Variants in ADAMTSL3 observed in about 807,000 individuals in gnomAD.
ADAMTSL3 encodes the protein ADAMTS like 3, also known as ADAMTS-like protein 3.
Under a neutral mutation model 201.7 loss-of-function variants are expected in ADAMTSL3, and 128 were observed. The observed-to-expected ratio is 0.63, with a 90% CI of 0.55 to 0.73. ADAMTSL3 has a LOEUF of 0.73. ADAMTSL3 is among the 30% of genes least tolerant of loss of function. The pLI, the probability that ADAMTSL3 is intolerant of heterozygous loss-of-function variation, is 0.00. For synonymous variants in ADAMTSL3, 738 were observed against 748.4 expected (o/e 0.99, Z 0.23); for missense variants, 1,990 against 2,119.6 (o/e 0.94, Z 1.20).
At chr15:83,820,867 G>A in intron 6 of ADAMTSL3, among the ~76,000 whole-genome samples, 1 of 152,094 alleles carries the variant, frequency 6.6e-6, no homozygotes, top group Non-Finnish European at 1.5e-5. Context: ...TTGAGGTCAG[G>A]AGATCAAGAC....
intron 3 of ADAMTSL3, among the ~76,000 whole-genome samples, chr15:83,718,408 T>C (rs2062048805): frequency 1.3e-5 from 2 of 151,966 alleles, no homozygotes; most frequent in South Asian, 4.1e-4. Flanking sequence ...TAAGCAGAAA[T>C]TGGGACAATT....
chr15:83,678,908 G>C (rs1188102679), intron 2 of ADAMTSL3, among the ~76,000 whole-genome samples: 1 of 146,232 alleles, frequency 6.8e-6, no homozygotes, highest in African/African-American at 2.5e-5. Flanking sequence ...AATTTAAAAG[G>C]AAATATATAT....
intron 4 of ADAMTSL3, among the ~76,000 whole-genome samples, chr15:83,778,995 A>G (rs557361820): frequency 1.0e-3 from 155 of 152,330 alleles, no homozygotes; most frequent in African/African-American, 3.6e-3. Flanking sequence ...CAGACTTTAA[A>G]CCAGAAAAAT....
chr15:84,006,417 C>A (rs1274155399), intron 23 of ADAMTSL3, among the ~76,000 whole-genome samples: 1 of 152,172 alleles, frequency 6.6e-6, no homozygotes. Context: ...CATTTCAGGG[C>A]AGTCTGAACA....
chr15:83,957,273 G>A (rs2066880241), intron 19 of ADAMTSL3, among the ~76,000 whole-genome samples: 1 of 152,196 alleles, frequency 6.6e-6, no homozygotes, highest in Non-Finnish European at 1.5e-5. Flanking sequence ...AGTGCTGGTA[G>A]GTGAGATGGA....
intron 8 of ADAMTSL3, among the ~76,000 whole-genome samples, chr15:83,863,984 C>G (rs1240465837): frequency 3.9e-5 from 6 of 152,274 alleles, no homozygotes; most frequent in Admixed American, 2.0e-4. Flanking sequence ...ACTATAAACA[C>G]CTCTAAGCAA....
chr15:83,858,622 C>T, intron 7 of ADAMTSL3, 144 bp from the exon 8 acceptor site: 4 of 590,658 alleles, frequency 6.8e-6, no homozygotes, highest in Non-Finnish European at 1.2e-5. Flanking sequence ...ATCTGCCTGC[C>T]TTGGCCTCCT....
chr15:84,012,172 GC>G (rs1242827102), intron 23 of ADAMTSL3, among the ~76,000 whole-genome samples: 1 of 152,066 alleles, frequency 6.6e-6, no homozygotes, highest in Non-Finnish European at 1.5e-5. Flanking sequence ...AAACTTAGAA[GC>G]TTAAAACAAT....
intron 20 of ADAMTSL3, among the ~76,000 whole-genome samples, chr15:83,972,945 T>TGC (rs1285685167): frequency 6.6e-6 from 1 of 152,182 alleles, no homozygotes; most frequent in Non-Finnish European, 1.5e-5. Context: ...ACCGTTTCCC[T>TGC]GCTGTCTTCA....
intron 2 of ADAMTSL3, among the ~76,000 whole-genome samples, chr15:83,670,343 A>T (rs907651576): frequency 1.3e-5 from 2 of 151,712 alleles, no homozygotes; most frequent in African/African-American, 4.8e-5. Context: ...TTTATTTACT[A>T]TCTCACTCAT....
intron 3 of ADAMTSL3, among the ~76,000 whole-genome samples, chr15:83,704,904 C>T (rs1420796183): frequency 1.3e-5 from 2 of 151,924 alleles, no homozygotes; most frequent in Admixed American, 1.3e-4. Flanking sequence ...ATGCTTTTTT[C>T]CCCAAGATTA....
At chr15:83,747,691 CT>C (rs1231712624) in intron 3 of ADAMTSL3, among the ~76,000 whole-genome samples, 2 of 152,074 alleles carry the variant, frequency 1.3e-5, no homozygotes, top group African/African-American at 4.8e-5. Flanking sequence ...ATCATAGGTC[CT>C]TGTTTACTTT....
intron 8 of ADAMTSL3, among the ~76,000 whole-genome samples, chr15:83,869,859 T>C (rs2065049385): frequency 6.6e-6 from 1 of 152,022 alleles, no homozygotes; most frequent in Admixed American, 6.6e-5. Context: ...TATGAGGCAA[T>C]GAAAACCCAA....
chr15:83,891,325 G>T lies in ADAMTSL3; in HGVS notation c.1212-4G>T, dbSNP rs780859128. 3.7e-5 allele frequency: 59 copies of T among 1,600,626 alleles called. No homozygotes were observed. The highest frequency in any genetic ancestry group is 4.8e-5 in the Non-Finnish European group (56 of 1,168,206). ...TGATATTCTCACAATGATTTCATTTGTAGTGATGGATTTAAAGAGATAATG... is the reference window on the plus strand; with the variant it reads ...TGATATTCTCACAATGATTTCATTTTTAGTGATGGATTTAAAGAGATAATG... On this transcript the variant is annotated splice_region_variant and splice_polypyrimidine_tract_variant and intron_variant, in intron 11 of 29. Coordinates refer to ENST00000286744, the MANE Select transcript of ADAMTSL3 (RefSeq NM_207517.3).
At chr15:84,037,553 C>T (rs2141952944) in intron 29 of ADAMTSL3, 147 bp from the exon 30 acceptor site, 1 of 845,154 alleles carries the variant, frequency 1.2e-6, no homozygotes, top group South Asian at 2.0e-5. Flanking sequence ...GCACTTCTGA[C>T]TCTCATGCAA....
intron 3 of ADAMTSL3, among the ~76,000 whole-genome samples, chr15:83,744,286 A>G (rs562642889): frequency 1.7e-4 from 26 of 152,292 alleles, no homozygotes; most frequent in African/African-American, 5.8e-4. Context: ...ACGTGACTTA[A>G]TATTTGCCAA....
At chr15:83,910,860 G>A (rs906851968) in intron 15 of ADAMTSL3, among the ~76,000 whole-genome samples, 3 of 148,028 alleles carry the variant, frequency 2.0e-5, no homozygotes, top group East Asian at 2.0e-4. Context: ...GGCTAGTCTC[G>A]AACTCCTGAC....
At chr15:84,007,660 TA>T (rs1292110743) in intron 23 of ADAMTSL3, among the ~76,000 whole-genome samples, 40 of 152,196 alleles carry the variant, frequency 2.6e-4, no homozygotes, top group African/African-American at 9.6e-4. Flanking sequence ...TAGCAGATCA[TA>T]AAACATCATA....
At chr15:83,670,200 G>A (rs1368993072) in intron 2 of ADAMTSL3, among the ~76,000 whole-genome samples, 1 of 136,134 alleles carries the variant, frequency 7.3e-6, no homozygotes, top group Non-Finnish European at 1.5e-5. Context: ...AGAGGTTGCA[G>A]TGAGCTGAGA....
Sources: gnomAD v4.1 joint callset for allele counts (sites outside exome capture counted in the v4.1 genomes callset) on GRCh38, gnomAD v4.1.1 for gene constraint, MANE v1.5 for transcripts, NCBI Gene and HGNC (gene_info 2026-07-23, HGNC 2026-07-21) for gene names.